The following GPR139 variants were observed in gnomAD, a reference collection of about 807,000 sequenced individuals.
GPR139 encodes the protein probable G protein-coupled receptor 139.
In GPR139, 12 loss-of-function variants were observed where a neutral mutation model predicts 25.8. The observed-to-expected ratio is 0.47, with a 90% CI of 0.30 to 0.75. The LOEUF is 0.75. Among genes scored for constraint, GPR139 ranks in the 30% least tolerant of loss-of-function variants. The probability of loss-of-function intolerance (pLI) is 0.07; values close to 1 mark genes in which losing one functional copy is unlikely to be tolerated. For synonymous variants in GPR139, 184 were observed against 179.9 expected, an observed-to-expected ratio of 1.02 and a Z score of -0.18; for missense variants, 380 against 450.2, an observed-to-expected ratio of 0.84 and a Z score of 1.41.
intron 1 of GPR139, among the ~76,000 whole-genome samples, chr16:20,064,830 A>T (rs2057425745): frequency 6.6e-6 from 1 of 152,190 alleles, no homozygotes; most frequent in African/African-American, 2.4e-5. Flanking sequence ...ATCCTGATCC[A>T]CCATGCTGGC....
Position 20,031,562 on chromosome 16 carries a change from C to T in GPR139, c.*173G>A. 1.6e-6 allele frequency: 1 copy of T among 612,854 alleles called. No homozygotes were observed. Among genetic ancestry groups the T allele is most frequent in the Non-Finnish European group, 2.9e-6 (1 of 343,184 alleles). The allele number at this position is 612,854 out of a possible 1,614,324, so 38.0% of individuals were successfully genotyped here. A position where few individuals can be genotyped will look rare whatever the true frequency, so the allele number is the denominator to read the frequency against. ...TGCATAAGTAAAAACAAGCTTCATG[C>T]TCTCCTTTCTTCTCTTCCATCTCTT... is the stretch of plus-strand genomic sequence containing the variant. On this transcript the variant is annotated 3_prime_UTR_variant, in exon 2 of 2. Transcript: ENST00000570682.
chr16:20,057,725 G>C (rs1436819848), intron 1 of GPR139, among the ~76,000 whole-genome samples: 3 of 152,078 alleles, frequency 2.0e-5, no homozygotes, highest in Non-Finnish European at 4.4e-5. Context: ...CATGCCTACT[G>C]TCAAGAGTAC....
chr16:20,034,423 C>A (rs1354374035), intron 1 of GPR139, among the ~76,000 whole-genome samples: 2 of 152,222 alleles, frequency 1.3e-5, no homozygotes, highest in African/African-American at 4.8e-5. Flanking sequence ...CAGTTGAAGT[C>A]TCCTCTGAAG....
Position 20,028,671 on chromosome 16 carries a change from T to G in GPR139, c.*3064A>C, listed in dbSNP as rs141593560. On this transcript the variant is annotated 3_prime_UTR_variant, in exon 2 of 2. Transcript: ENST00000570682. ...CGTGCCCACTCCGGTCTGTCTTTTA[T>G]GGTTTGTCTGTCATTCCCCTCATTT... Among the ~76,000 whole-genome samples the G allele has an allele frequency of 2.0e-4, 30 of 152,342 alleles. No homozygotes were observed. The highest frequency in any genetic ancestry group is 7.2e-4 in the African/African-American group (30 of 41,586).
chr16:20,032,386 G>C lies in GPR139; in HGVS notation c.411C>G (p.His137Gln), dbSNP rs137883582. Residue 137 changes from histidine (H) to glutamine (Q), a missense_variant, in exon 2 of 2, where the codon CAC (histidine) becomes CAG (glutamine). Coordinates refer to ENST00000570682, the MANE Select transcript of GPR139 (RefSeq NM_001002911.4). Reference protein sequence around the residue: ...YIAVCHPLKYHTVSYPARTRK... With the variant: ...YIAVCHPLKYQTVSYPARTRK... ...GGGTGCGGGCTGGGTATGAGACCGTGTGGTACTTGAGCGGGTGGCAGACAG... is the reference window on the plus strand; with the variant it reads ...GGGTGCGGGCTGGGTATGAGACCGTCTGGTACTTGAGCGGGTGGCAGACAG... 1 of 1,614,232 alleles carries C rather than the reference G, an allele frequency of 6.2e-7. No individual in the cohort carries two copies. Among genetic ancestry groups the C allele is most frequent in the Non-Finnish European group, 8.5e-7 (1 of 1,180,040 alleles).
intron 1 of GPR139, among the ~76,000 whole-genome samples, chr16:20,042,609 C>G (rs906057636): frequency 6.6e-6 from 1 of 152,128 alleles, no homozygotes; most frequent in South Asian, 2.1e-4. Flanking sequence ...CTCTTGCATC[C>G]TCTGAAATAG....
At chr16:20,054,646 C>T (rs950904680) in intron 1 of GPR139, among the ~76,000 whole-genome samples, 1 of 151,832 alleles carries the variant, frequency 6.6e-6, no homozygotes, top group African/African-American at 2.4e-5. Flanking sequence ...CATAGGTAAA[C>T]TTGTCCTGGA....
In GPR139 at chr16:20,030,600, C is replaced by T. The variant is rs111664595; in HGVS notation, c.*1135G>A. Among the ~76,000 whole-genome samples, 7 of 136 alleles carry T rather than the reference C, an allele frequency of 0.051. No individual in the cohort carries two copies. The highest frequency in any genetic ancestry group is 0.15 in the African/African-American group (7 of 46). The allele number at this position is 136 out of a possible 152,430, so 0.1% of individuals were successfully genotyped here. ...AATAGCTTTACCAAGAACTGGCACC[C>T]CCTTTTGAGCCATGTGCGTCAAAGG... is the stretch of plus-strand genomic sequence containing the variant. On this transcript the variant is annotated 3_prime_UTR_variant, in exon 2 of 2. Transcript: ENST00000570682.
chr16:20,036,492 T>C (rs140758180), intron 1 of GPR139, among the ~76,000 whole-genome samples: 2 of 152,326 alleles, frequency 1.3e-5, no homozygotes, highest in Non-Finnish European at 2.9e-5. Context: ...CAGTTCCACC[T>C]GGCTGGGGAG....
chr16:20,060,776 C>G (rs1291350882), intron 1 of GPR139, among the ~76,000 whole-genome samples: 1 of 152,098 alleles, frequency 6.6e-6, no homozygotes, highest in African/African-American at 2.4e-5. Context: ...TTTGGTCACT[C>G]CAGACACTCT....
In GPR139 at chr16:20,028,976, T is replaced by A. The variant is rs1407598215; in HGVS notation, c.*2759A>T. The stretch of plus-strand genomic sequence containing the variant: ...TTACAAGTTTTTAAAGTTTTAAAGT[T>A]AAAAAAAACCCATTTCATGATGTCC... On this transcript the variant is annotated 3_prime_UTR_variant, in exon 2 of 2. Coordinates refer to ENST00000570682, the MANE Select transcript of GPR139 (RefSeq NM_001002911.4). 1.3e-5 allele frequency among the ~76,000 whole-genome samples: 2 copies of A among 151,786 alleles called. No individual in the cohort carries two copies. Among genetic ancestry groups the A allele is most frequent in the Non-Finnish European group, 2.9e-5 (2 of 67,946 alleles).
chr16:20,044,957 T>C (rs1329150420), intron 1 of GPR139, among the ~76,000 whole-genome samples: 1 of 151,486 alleles, frequency 6.6e-6, no homozygotes, highest in Non-Finnish European at 1.5e-5. Context: ...GAGCACTGAC[T>C]GTATTTGGCT....
intron 1 of GPR139, among the ~76,000 whole-genome samples, chr16:20,055,743 G>C (rs1447604439): frequency 6.6e-6 from 1 of 152,214 alleles, no homozygotes; most frequent in Non-Finnish European, 1.5e-5. Context: ...TAGAACCAGA[G>C]AACTTCCTTC....
intron 1 of GPR139, among the ~76,000 whole-genome samples, chr16:20,036,030 A>G (rs1456290693): frequency 6.6e-6 from 1 of 152,224 alleles, no homozygotes; most frequent in African/African-American, 2.4e-5. Context: ...ATACACATAA[A>G]GTCTGTACTC....
intron 1 of GPR139, among the ~76,000 whole-genome samples, chr16:20,039,041 A>G (rs1297968754): frequency 1.3e-5 from 2 of 152,210 alleles, no homozygotes; most frequent in Non-Finnish European, 2.9e-5. Flanking sequence ...CTTCACCACC[A>G]AAATGTCAAT....
At chr16:20,068,936 C>A (rs1483535615) in intron 1 of GPR139, among the ~76,000 whole-genome samples, 1 of 151,522 alleles carries the variant, frequency 6.6e-6, no homozygotes, top group Non-Finnish European at 1.5e-5. Context: ...GTGATTTTCA[C>A]ATGTCGAACC....
intron 1 of GPR139, among the ~76,000 whole-genome samples, chr16:20,054,298 C>A (rs2057381843): frequency 1.3e-5 from 2 of 152,128 alleles, no homozygotes; most frequent in African/African-American, 4.8e-5. Context: ...ATTAACTAAT[C>A]CCAAATACTA....
At chr16:20,071,344 C>A (rs915826893) in intron 1 of GPR139, among the ~76,000 whole-genome samples, 3 of 152,188 alleles carry the variant, frequency 2.0e-5, no homozygotes, top group Non-Finnish European at 4.4e-5. Context: ...TGCTAGCAGA[C>A]CAAGACTTTT....
intron 1 of GPR139, among the ~76,000 whole-genome samples, chr16:20,061,935 G>C (rs950072761): frequency 6.6e-6 from 1 of 152,108 alleles, no homozygotes; most frequent in Non-Finnish European, 1.5e-5. Context: ...ATGCATCCCC[G>C]GGGAATTTCC....
Sources: allele counts gnomAD v4.1 joint callset (sites outside exome capture counted in the v4.1 genomes callset), GRCh38; gene constraint gnomAD v4.1.1; transcripts MANE v1.5; gene names NCBI Gene and HGNC (gene_info 2026-07-23, HGNC 2026-07-21).